PIWIL1: variants seen among roughly 807,000 people sequenced by gnomAD.
PIWIL1 encodes the protein piwi like RNA-mediated gene silencing 1, also known as piwi-like protein 1.
A neutral mutation model predicts 114.4 loss-of-function variants in PIWIL1; 73 were observed. That is an observed-to-expected ratio of 0.64 (90% CI 0.53 to 0.78). PIWIL1 has a LOEUF of 0.78. Among genes scored for constraint, PIWIL1 ranks in the 30% least tolerant of loss-of-function variants. The pLI, the probability that PIWIL1 is intolerant of heterozygous loss-of-function variation, is 0.00. For synonymous variants in PIWIL1, 375 were observed against 369.0 expected, an observed-to-expected ratio of 1.02 and a Z score of -0.19; for missense variants, 723 against 1,063.1, an observed-to-expected ratio of 0.68 and a Z score of 4.45.
chr12:130,339,085 T>TCCG (rs1208253388), intron 1 of PIWIL1, among the ~76,000 whole-genome samples: 2 of 152,012 alleles, frequency 1.3e-5, no homozygotes, highest in East Asian at 3.9e-4. Context: ...CCTTCCCGCG[T>TCCG]CCGCCGCCGC....
At chr12:130,388,966 A>T in the PIWIL1 span, among the ~76,000 whole-genome samples, 1 of 152,126 alleles carries the variant, frequency 6.6e-6, no homozygotes, top group Admixed American at 6.5e-5. Context: ...ATTTTTATAA[A>T]CACCTTTTAC....
the PIWIL1 span, among the ~76,000 whole-genome samples, chr12:130,387,739 T>C: frequency 6.6e-6 from 1 of 152,246 alleles, no homozygotes. Flanking sequence ...CTGACCTCTC[T>C]GCTGCCAAAG....
chr12:130,377,469 A>T (rs79973581), downstream of PIWIL1, among the ~76,000 whole-genome samples: 13,025 of 152,260 alleles, frequency 0.086, 765 homozygotes, highest in South Asian at 0.19. Flanking sequence ...GATATGTTAG[A>T]AATCTCCCCT....
At chr12:130,409,322 C>T in the PIWIL1 span, among the ~76,000 whole-genome samples, 1 of 124,232 alleles carries the variant, frequency 8.0e-6, no homozygotes, top group Non-Finnish European at 1.7e-5. Context: ...GGGACTCATA[C>T]AAAATGTAGC....
intron 19 of PIWIL1, among the ~76,000 whole-genome samples, chr12:130,369,113 G>A (rs1367491741): frequency 6.6e-6 from 1 of 152,060 alleles, no homozygotes; most frequent in African/African-American, 2.4e-5. Flanking sequence ...TGTTCTCATT[G>A]TTCAACTTCT....
chr12:130,409,594 C>G, the PIWIL1 span, among the ~76,000 whole-genome samples: 2 of 152,120 alleles, frequency 1.3e-5, no homozygotes, highest in African/African-American at 2.4e-5. Flanking sequence ...CCGCCCACCT[C>G]GGCCTCCCAA....
chr12:130,362,495 T>A (rs536850458), intron 16 of PIWIL1, among the ~76,000 whole-genome samples: 4 of 152,328 alleles, frequency 2.6e-5, no homozygotes, highest in African/African-American at 9.6e-5. Context: ...CTGGGTATTA[T>A]AGCTAAATTC....
intron 18 of PIWIL1, 147 bp downstream of exon 18, chr12:130,363,291 A>G: frequency 6.3e-6 from 5 of 790,354 alleles, no homozygotes; most frequent in South Asian, 3.6e-5. Flanking sequence ...GGCAGAGGGA[A>G]GTTTCTATTG....
chr12:130,392,342 T>A, the PIWIL1 span, among the ~76,000 whole-genome samples: 2 of 58,148 alleles, frequency 3.4e-5, no homozygotes, highest in Non-Finnish European at 5.2e-5. Flanking sequence ...CTGGTGAATA[T>A]TGAATGTTGT....
Position 130,343,009 on chromosome 12 carries a change from T to C in PIWIL1, c.98T>C (p.Ile33Thr), listed in dbSNP as rs1359449456. Residue 33 changes from isoleucine to threonine, a missense_variant, in exon 3 of 21, where the codon ATT (isoleucine) becomes ACT (threonine). By Grantham distance (89) the Ile-to-Thr change is moderately conservative (BLOSUM62 -1). Transcript: ENST00000245255. ...CTACAGAGTCAGCAACCTGGTTATATTCAGCCTAGGCCTCAGCCGCCACCA... is the reference window on the plus strand; with the variant it reads ...CTACAGAGTCAGCAACCTGGTTATACTCAGCCTAGGCCTCAGCCGCCACCA... Reference protein sequence around the residue: ...GSTASQQPGYIQPRPQPPPAE... With the variant: ...GSTASQQPGYTQPRPQPPPAE... 6.2e-7 allele frequency: 1 copy of C among 1,614,086 alleles called. No homozygotes were observed. The highest frequency in any genetic ancestry group is 2.2e-5 in the East Asian group (1 of 44,886).
chr12:130,401,875 C>T, the PIWIL1 span, among the ~76,000 whole-genome samples: 1 of 152,086 alleles, frequency 6.6e-6, no homozygotes, highest in Non-Finnish European at 1.5e-5. Context: ...GGAGTGTGTT[C>T]TGTGAACACA....
At position 130,343,792 on chromosome 12, in the gene PIWIL1, A is replaced by AT. The variant is rs1446850505; in HGVS notation, c.190+698dup. ...AGGCGCCCACCACTGCGCCCAGCTA[A>AT]TTTTTTTGTATTTTTTAGTAGAGAT... On this transcript the variant is annotated intron_variant, in intron 3 of 20. Transcript: ENST00000245255. Among the ~76,000 whole-genome samples, 4 of 151,710 alleles carry AT rather than the reference A, an allele frequency of 2.6e-5. No homozygotes were observed. In the East Asian group the frequency reaches 5.8e-4, roughly 22 times the overall value.
intron 12 of PIWIL1, 55 bp from the exon 13 acceptor site, chr12:130,356,863 C>A: frequency 7.8e-7 from 1 of 1,284,950 alleles, no homozygotes; most frequent in Non-Finnish European, 1.1e-6. Context: ...GACTGTTTGG[C>A]TTGATCACTG....
chr12:130,397,654 G>T, the PIWIL1 span: 2,769 of 396,894 alleles, frequency 7.0e-3, 65 homozygotes, highest in African/African-American at 0.05. Flanking sequence ...AGGTCAGGGG[G>T]GTTCATTTGT....
chr12:130,423,992 G>A, the PIWIL1 span: 4 of 418,900 alleles, frequency 9.5e-6, no homozygotes, highest in East Asian at 3.6e-5. Context: ...GAAGCAAATC[G>A]GACTTGAGAA....
the PIWIL1 span, among the ~76,000 whole-genome samples, chr12:130,418,438 ATGG>A: frequency 6.6e-6 from 1 of 152,184 alleles, no homozygotes; most frequent in Non-Finnish European, 1.5e-5. Flanking sequence ...CCCAGGGATG[ATGG>A]TGGAGAACAG....
At chr12:130,414,438 T>A in the PIWIL1 span, 1 of 853,036 alleles carries the variant, frequency 1.2e-6, no homozygotes, top group Non-Finnish European at 1.8e-6. Context: ...TGTCTTAACA[T>A]GTAGGTGGAA....
the PIWIL1 span, among the ~76,000 whole-genome samples, chr12:130,393,410 C>T: frequency 3.5e-4 from 52 of 147,386 alleles, no homozygotes; most frequent in East Asian, 8.2e-4. Flanking sequence ...CACGTGGGTG[C>T]GTCAGTTACC....
chr12:130,367,004 A>G (rs2073677947), intron 18 of PIWIL1, 129 bp from the exon 19 acceptor site: 3 of 1,078,696 alleles, frequency 2.8e-6, no homozygotes, highest in Non-Finnish European at 4.1e-6. Flanking sequence ...CCTTCTCCAC[A>G]ACCTGGACAG....
Sources: gnomAD v4.1 joint callset for allele counts (sites outside exome capture counted in the v4.1 genomes callset) on GRCh38, gnomAD v4.1.1 for gene constraint, MANE v1.5 for transcripts, NCBI Gene and HGNC (gene_info 2026-07-23, HGNC 2026-07-21) for gene names.